The following LTBP1 variants were observed in gnomAD, a reference collection of about 807,000 sequenced individuals.
LTBP1 encodes the protein latent transforming growth factor beta binding protein 1.
LTBP1 carries 129 observed loss-of-function variants against 207.6 expected under a neutral mutation model. That is an observed-to-expected ratio of 0.62 (90% CI 0.54 to 0.72). The LOEUF (loss-of-function observed/expected upper bound fraction) is 0.72. Ranked by LOEUF, LTBP1 falls within the 30% of genes least tolerant of loss-of-function variation. LTBP1 has a pLI of 0.00. For synonymous variants in LTBP1, 963 were observed against 833.7 expected (o/e 1.16, Z -2.67); for missense variants, 2,281 against 2,217.2 (o/e 1.03, Z -0.58).
At chr2:33,259,081 A>T (rs79971818) in intron 12 of LTBP1, among the ~76,000 whole-genome samples, 2 of 152,170 alleles carry the variant, frequency 1.3e-5, no homozygotes, top group African/African-American at 4.8e-5. Flanking sequence ...GAAAATATTC[A>T]CGGGGCTTCA....
intron 31 of LTBP1, 130 bp downstream of exon 31, chr2:33,365,633 G>GTGTGTA (rs932952024): frequency 1.3e-6 from 1 of 781,566 alleles, no homozygotes; most frequent in African/African-American, 1.8e-5. Flanking sequence ...TCCCGTGTGT[G>GTGTGTA]TGTGTGTGTG....
intron 22 of LTBP1, among the ~76,000 whole-genome samples, chr2:33,303,667 C>A (rs993827768): frequency 1.3e-5 from 2 of 152,068 alleles, no homozygotes; most frequent in Non-Finnish European, 2.9e-5. Context: ...GTTAGATTCT[C>A]ATAAGGAGCG....
intron 25 of LTBP1, among the ~76,000 whole-genome samples, chr2:33,343,717 G>T (rs761763316): frequency 9.2e-5 from 14 of 152,194 alleles, no homozygotes; most frequent in Admixed American, 2.0e-4. Flanking sequence ...TCCTCAGTCT[G>T]TTCCGGGATT....
At chr2:33,153,123 C>T (rs1396131265) in intron 5 of LTBP1, among the ~76,000 whole-genome samples, 5 of 152,160 alleles carry the variant, frequency 3.3e-5, no homozygotes, top group Admixed American at 3.3e-4. Flanking sequence ...ATTTACTGTG[C>T]TTTCCAAGGA....
At chr2:33,334,797 A>C (rs1199516858) in intron 24 of LTBP1, among the ~76,000 whole-genome samples, 1 of 151,834 alleles carries the variant, frequency 6.6e-6, no homozygotes, top group Non-Finnish European at 1.5e-5. Flanking sequence ...TAGGCTGGGC[A>C]TGGTGGCTCA....
chr2:33,298,358 G>A (rs1469013478), intron 20 of LTBP1, among the ~76,000 whole-genome samples: 1 of 152,200 alleles, frequency 6.6e-6, no homozygotes, highest in Non-Finnish European at 1.5e-5. Context: ...TACGTAAGAT[G>A]TCTGGCATAG....
chr2:33,115,060 A>G (rs1205930255), intron 4 of LTBP1, among the ~76,000 whole-genome samples: 1 of 150,990 alleles, frequency 6.6e-6, no homozygotes, highest in Admixed American at 6.6e-5. Flanking sequence ...ACACACACAC[A>G]CACACACACA....
chr2:33,386,364 G>T (rs1283380633), intron 31 of LTBP1, among the ~76,000 whole-genome samples: 1 of 152,092 alleles, frequency 6.6e-6, no homozygotes, highest in South Asian at 2.1e-4. Context: ...TCATTTCTTT[G>T]GTGGAGGAAG....
At chr2:33,225,712 A>G (rs2091394863) in intron 9 of LTBP1, among the ~76,000 whole-genome samples, 1 of 152,124 alleles carries the variant, frequency 6.6e-6, no homozygotes, top group African/African-American at 2.4e-5. Context: ...TCTTTTAACA[A>G]ATCTATCTTT....
At chr2:33,244,365 T>C (rs77853663) in intron 10 of LTBP1, among the ~76,000 whole-genome samples, 3,985 of 152,316 alleles carry the variant, frequency 0.026, 166 homozygotes, top group East Asian at 0.17. Flanking sequence ...CCCTAAATTA[T>C]ACTGTTTTGC....
At chr2:33,174,121 C>G (rs2085765209) in intron 5 of LTBP1, among the ~76,000 whole-genome samples, 1 of 147,778 alleles carries the variant, frequency 6.8e-6, no homozygotes, top group African/African-American at 2.5e-5. Context: ...TCTCTCACCA[C>G]TCCTATTCAA....
At chr2:33,083,473 G>A (rs2078561052) in intron 3 of LTBP1, among the ~76,000 whole-genome samples, 1 of 152,150 alleles carries the variant, frequency 6.6e-6, no homozygotes, top group Non-Finnish European at 1.5e-5. Context: ...GAGCTGGGGA[G>A]TGACATGTGA....
At chr2:33,021,267 G>C in intron 3 of LTBP1, 61 bp downstream of exon 3, 1 of 1,442,788 alleles carries the variant, frequency 6.9e-7, no homozygotes, top group Non-Finnish European at 9.4e-7. Context: ...TGGATGCCTT[G>C]CTTTAAATCA....
chr2:33,134,728 A>G lies in LTBP1; in HGVS notation c.1034-65A>G, dbSNP rs775141091. 1.2e-6 allele frequency: 2 copies of G among 1,613,046 alleles called. No homozygotes were observed. Among genetic ancestry groups the G allele is most frequent in the African/African-American group, 1.3e-5 (1 of 74,814 alleles). On this transcript the variant is annotated intron_variant, in intron 4 of 33. Transcript: ENST00000404816. The surrounding 1 kb of genome is among the most constrained non-coding windows in gnomAD (Gnocchi z 4.4). ...TTTTTCTGTTTTTTTAAACCTTCCA[A>G]GGCAAGTTCATGGATACTAAGCTGA...
intron 5 of LTBP1, among the ~76,000 whole-genome samples, chr2:33,174,058 G>C (rs1286346068): frequency 1.4e-5 from 2 of 141,866 alleles, no homozygotes; most frequent in Non-Finnish European, 3.1e-5. Flanking sequence ...CATACTGAAT[G>C]GGCAAAAACT....
At chr2:33,021,784 A>T (rs1006327048) in intron 3 of LTBP1, among the ~76,000 whole-genome samples, 4 of 152,106 alleles carry the variant, frequency 2.6e-5, no homozygotes, top group Non-Finnish European at 5.9e-5. Context: ...TATTTATGGG[A>T]ACAAGGTTTT....
chr2:33,213,345 A>T (rs1248001599), intron 7 of LTBP1, among the ~76,000 whole-genome samples: 1 of 152,222 alleles, frequency 6.6e-6, no homozygotes, highest in Admixed American at 6.5e-5. Flanking sequence ...GTAGTGAATA[A>T]TTCACAAAGG....
chr2:33,042,220 G>A (rs2076223782), intron 3 of LTBP1, among the ~76,000 whole-genome samples: 1 of 152,162 alleles, frequency 6.6e-6, no homozygotes, highest in Non-Finnish European at 1.5e-5. Context: ...TTGTTGATAT[G>A]ACTAACTTTT....
intron 3 of LTBP1, among the ~76,000 whole-genome samples, chr2:33,054,979 G>T (rs1184718663): frequency 6.6e-6 from 1 of 152,156 alleles, no homozygotes; most frequent in Admixed American, 6.5e-5. Context: ...AGGTGTCCTA[G>T]TAAACCACAC....
Sources: gnomAD v4.1 joint callset for allele counts (sites outside exome capture counted in the v4.1 genomes callset) on GRCh38, gnomAD v4.1.1 for gene constraint, Gnocchi (gnomAD v3.1) non-coding constraint, MANE v1.5 for transcripts, NCBI Gene and HGNC (gene_info 2026-07-23, HGNC 2026-07-21) for gene names.